Variants in PECR observed in about 807,000 individuals in gnomAD.
The protein encoded by PECR is 2,4-dienoyl-CoA reductase-related protein.
In PECR, 30 loss-of-function variants were observed where a neutral mutation model predicts 35.3. That is an observed-to-expected ratio of 0.85 (90% CI 0.64 to 1.15). The LOEUF is 1.15. PECR is among the 50% of genes most tolerant of loss of function. The probability of loss-of-function intolerance (pLI) is 0.00; values close to 1 mark genes in which losing one functional copy is unlikely to be tolerated. For synonymous variants in PECR, 148 were observed against 138.9 expected (o/e 1.07, Z -0.46); for missense variants, 392 against 370.8 (o/e 1.06, Z -0.47).
At chr2:216,045,623 G>A (rs558742448) in intron 6 of PECR, among the ~76,000 whole-genome samples, 15 of 152,356 alleles carry the variant, frequency 9.8e-5, no homozygotes, top group Admixed American at 3.3e-4. Flanking sequence ...GACAGGGCTG[G>A]TATAGAATTC....
rs957729351 is a variant in PECR, at chr2:216,066,384, C to T, written c.258+1G>A. On this transcript the variant is annotated splice_donor_variant, in intron 2 of 7. Coordinates refer to ENST00000265322, the MANE Select transcript of PECR (RefSeq NM_018441.6). LOFTEE classifies it high-confidence loss of function. ...AAATGATACAGATATATCTCCATTA[C>T]CTCCTCCTCATTCCGGATGTTGCAT... 3 of 1,611,446 alleles carry T rather than the reference C, an allele frequency of 1.9e-6. No homozygotes were observed. The African/African-American group carries it at 4.0e-5, about 22-fold the overall frequency.
At chr2:216,048,113 C>T (rs758614735) in intron 6 of PECR, among the ~76,000 whole-genome samples, 32 of 151,232 alleles carry the variant, frequency 2.1e-4, no homozygotes, top group Non-Finnish European at 3.4e-4. Context: ...CTTGCTCTGT[C>T]GCCCAGGCTG....
intron 4 of PECR, among the ~76,000 whole-genome samples, chr2:216,056,665 G>C (rs538736993): frequency 7.0e-4 from 104 of 147,754 alleles, no homozygotes; most frequent in African/African-American, 2.5e-3. Context: ...AGGTTGCAGT[G>C]AGCCAAGATC....
downstream of PECR, among the ~76,000 whole-genome samples, chr2:216,037,855 C>G (rs7585754): frequency 0.014 from 2,170 of 151,916 alleles, 37 homozygotes; most frequent in Non-Finnish European, 0.024. Flanking sequence ...GAGGCCAAAG[C>G]GGGCAGATCA....
Position 216,038,858 on chromosome 2 carries a change from CAACTGACCCGCCT to C in PECR, c.*404_*416del, listed in dbSNP as rs973269635. 2 of 210,218 alleles carry C rather than the reference CAACTGACCCGCCT, an allele frequency of 9.5e-6. No homozygotes were observed. Among genetic ancestry groups the C allele is most frequent in the African/African-American group, 4.8e-5 (2 of 42,082 alleles). The allele number at this position is 210,218 out of a possible 1,614,324, so 13.0% of individuals were successfully genotyped here. ...CAGCCTGGTCTTGAACTCCTGACCT[CAACTGACCCGCCT>C]ACCTCGGCCTCCCAAAGTGCTGGAA... On this transcript the variant is annotated 3_prime_UTR_variant, in exon 8 of 8. Coordinates refer to ENST00000265322, the MANE Select transcript of PECR (RefSeq NM_018441.6).
At chr2:216,071,101 G>A (rs771872256) in intron 1 of PECR, among the ~76,000 whole-genome samples, 1 of 152,102 alleles carries the variant, frequency 6.6e-6, no homozygotes, top group Non-Finnish European at 1.5e-5. Context: ...TGGGGGAACC[G>A]GGCCCATGGT....
chr2:216,063,357 T>A (rs1290247995), intron 3 of PECR, among the ~76,000 whole-genome samples: 1 of 152,222 alleles, frequency 6.6e-6, no homozygotes, highest in East Asian at 1.9e-4. Flanking sequence ...CAGTGGCTCA[T>A]GCCTGTAATC....
chr2:216,070,890 T>C (rs1695575703), intron 1 of PECR, among the ~76,000 whole-genome samples: 1 of 152,194 alleles, frequency 6.6e-6, no homozygotes, highest in Non-Finnish European at 1.5e-5. Context: ...CAGACGCAGT[T>C]TGTCATTTGC....
At chr2:216,032,881 T>C (rs1481417075) in intron 7 of PECR, 1 of 146,106 alleles carries the variant, frequency 6.8e-6, no homozygotes, top group Admixed American at 7.2e-5. Context: ...AAACAAGGAG[T>C]GCAGAAGAAA....
At chr2:216,077,414 G>A (rs1004452803) in intron 1 of PECR, among the ~76,000 whole-genome samples, 100 of 152,268 alleles carry the variant, frequency 6.6e-4, no homozygotes, top group African/African-American at 2.3e-3. Flanking sequence ...GGCTGAGGCA[G>A]GAGAATGGCT....
At chr2:216,032,276 T>C (rs377312394) in intron 7 of PECR, among the ~76,000 whole-genome samples, 1 of 152,222 alleles carries the variant, frequency 6.6e-6, no homozygotes, top group South Asian at 2.1e-4. Context: ...AAAAGCCAAA[T>C]GGTCCAAAAT....
chr2:216,035,293 C>T (rs78965370), downstream of PECR, among the ~76,000 whole-genome samples: 3,176 of 152,190 alleles, frequency 0.021, 124 homozygotes, highest in African/African-American at 0.072. Flanking sequence ...CAGCACCTCC[C>T]TCAGGGGGTT....
chr2:216,044,948 C>T (rs1694963633), intron 6 of PECR, among the ~76,000 whole-genome samples: 1 of 152,182 alleles, frequency 6.6e-6, no homozygotes, highest in Non-Finnish European at 1.5e-5. Context: ...TTCCTAGATC[C>T]TTCCAGGATC....
At chr2:216,075,842 T>A (rs1014923039) in intron 1 of PECR, among the ~76,000 whole-genome samples, 1 of 152,206 alleles carries the variant, frequency 6.6e-6, no homozygotes, top group Non-Finnish European at 1.5e-5. Flanking sequence ...AAAAATGTTG[T>A]CTTGGGTCAT....
At chr2:216,030,145 G>C (rs1025970283) in intron 7 of PECR, among the ~76,000 whole-genome samples, 1 of 152,054 alleles carries the variant, frequency 6.6e-6, no homozygotes, top group South Asian at 2.1e-4. Flanking sequence ...AAATCAAGGG[G>C]GACAGATAGA....
At chr2:216,072,482 G>A (rs750792987) in intron 1 of PECR, among the ~76,000 whole-genome samples, 2 of 152,138 alleles carry the variant, frequency 1.3e-5, no homozygotes, top group Non-Finnish European at 2.9e-5. Context: ...AGTGGCCACT[G>A]TACCCAACAG....
Position 216,065,282 on chromosome 2 carries a change from T to C in PECR, c.424+30A>G, listed in dbSNP as rs186189748. 4 of 1,504,522 alleles carry C rather than the reference T, an allele frequency of 2.7e-6. 1 individual carries two copies. The African/African-American group carries it at 5.5e-5, about 21-fold the overall frequency. The allele number at this position is 1,504,522 out of a possible 1,614,324, so 93.2% of individuals were successfully genotyped here. A position where few individuals can be genotyped will look rare whatever the true frequency, so the allele number is the denominator to read the frequency against. ...ATCCTGAGATCTCTAAATAAAGACA[T>C]GTTGACTTGTGGATACTGATGGTAC... On this transcript the variant is annotated intron_variant, in intron 3 of 7. Transcript: ENST00000265322.
At chr2:216,072,078 T>C (rs1695600315) in intron 1 of PECR, among the ~76,000 whole-genome samples, 1 of 152,264 alleles carries the variant, frequency 6.6e-6, no homozygotes, top group African/African-American at 2.4e-5. Context: ...TTGCCCAGGC[T>C]GGATTGCAGT....
intron 7 of PECR, among the ~76,000 whole-genome samples, chr2:216,039,800 C>T (rs1694855897): frequency 6.6e-6 from 1 of 152,174 alleles, no homozygotes; most frequent in Non-Finnish European, 1.5e-5. Flanking sequence ...AGCTTGTTTC[C>T]ATTTAACGAT....
Sources: allele counts gnomAD v4.1 joint callset (sites outside exome capture counted in the v4.1 genomes callset), GRCh38; gene constraint gnomAD v4.1.1; transcripts MANE v1.5; gene names NCBI Gene and HGNC (gene_info 2026-07-23, HGNC 2026-07-21).